The following ERF variants were observed in gnomAD, a reference collection of about 807,000 sequenced individuals.
ERF encodes ETS domain-containing transcription factor ERF.
ERF carries 10 observed loss-of-function variants against 41.6 expected under a neutral mutation model. That is an observed-to-expected ratio of 0.24 (90% CI 0.15 to 0.41). ERF has a LOEUF of 0.41. ERF is among the 10% of genes least tolerant of loss of function. The pLI is 1.00. For synonymous variants in ERF, 395 were observed against 342.4 expected (o/e 1.15, Z -1.70); for missense variants, 621 against 763.2 (o/e 0.81, Z 2.19).
In ERF at chr19:42,249,472, G is replaced by A. The variant is rs1568471853; in HGVS notation, c.640C>T (p.Leu214=). 1.9e-6 allele frequency: 3 copies of A among 1,605,558 alleles called. No homozygotes were observed. Among genetic ancestry groups the A allele is most frequent in the Non-Finnish European group, 2.5e-6 (3 of 1,176,856 alleles). ...PRARPPGPPD[L]GAFRGPPLAR... is the part of the protein sequence containing the mutation. Reference sequence around the variant, plus strand: ...AGCGGGGGCCCTCGGAAGGCACCCAGATCCGGAGGGCCGGGTGGTCGGGCG... The same window carrying A: ...AGCGGGGGCCCTCGGAAGGCACCCAAATCCGGAGGGCCGGGTGGTCGGGCG... The change falls in exon 4 of 4, where the codon CTG becomes TTG. Residue 214 remains leucine, a synonymous_variant. Transcript: ENST00000222329. This position sits in a 1 kb window ranked among gnomAD's most constrained non-coding sequence, Gnocchi z 8.6.
chr19:42,249,227 G>A lies in ERF; in HGVS notation c.885C>T (p.Ser295=), dbSNP rs758048419. The A allele has an allele frequency of 3.3e-5, 53 of 1,612,968 alleles. No individual in the cohort carries two copies. The highest frequency in any genetic ancestry group is 5.3e-5 in the African/African-American group (4 of 74,906). The part of the protein sequence containing the change: ...PMYPSGGGGP[S]GSGGGSHFSF... ...AGAAGTGGGAGCCTCCCCCTGAGCCGCTGGGCCCCCCGCCACCACTGGGGT... is the reference window on the plus strand; with the variant it reads ...AGAAGTGGGAGCCTCCCCCTGAGCCACTGGGCCCCCCGCCACCACTGGGGT... The change falls in exon 4 of 4, where the codon AGC becomes AGT. Residue 295 remains serine (S), a synonymous_variant. Transcript: ENST00000222329. This position sits in a 1 kb window ranked among gnomAD's most constrained non-coding sequence, Gnocchi z 8.6.
At chr19:42,253,991 G>C (rs1242735029) in intron 1 of ERF, 1 of 972,862 alleles carries the variant, frequency 1.0e-6, no homozygotes. Context: ...GGGGCGGCTG[G>C]GACCCCTCCC....
rs748690826 is a variant in ERF, at chr19:42,249,674, G to C, written c.438C>G (p.Pro146=). Reference sequence around the variant, plus strand: ...GGGACAGCACCTCGGAGGGCGTTGAGGGAGGGAAGCGGAAGTGGCTACCAC... The same window carrying C: ...GGGACAGCACCTCGGAGGGCGTTGACGGAGGGAAGCGGAAGTGGCTACCAC... ...PSGGSHFRFP[P]STPSEVLSPT... Residue 146 remains proline (P), a synonymous_variant, in exon 4 of 4, where the codon CCC becomes CCG. Coordinates refer to ENST00000222329, the MANE Select transcript of ERF (RefSeq NM_006494.4). The surrounding 1 kb of genome is among the most constrained non-coding windows in gnomAD (Gnocchi z 8.6). The C allele has an allele frequency of 6.2e-7, 1 of 1,602,612 alleles. No homozygotes were observed. The highest frequency in any genetic ancestry group is 1.7e-5 in the Admixed American group (1 of 59,358).
At chr19:42,253,415 C>T (rs1307747794) in intron 1 of ERF, among the ~76,000 whole-genome samples, 1 of 152,162 alleles carries the variant, frequency 6.6e-6, no homozygotes, top group Non-Finnish European at 1.5e-5. Context: ...CCTTCCCCTC[C>T]CCTCCCCCAG....
chr19:42,251,781 C>T (rs2036450139), intron 1 of ERF, among the ~76,000 whole-genome samples: 1 of 152,140 alleles, frequency 6.6e-6, no homozygotes, highest in Admixed American at 6.5e-5. Context: ...GGGATCCTTC[C>T]CCTTGGGAAT....
At chr19:42,252,972 G>C (rs1178570859) in intron 1 of ERF, among the ~76,000 whole-genome samples, 1 of 151,770 alleles carries the variant, frequency 6.6e-6, no homozygotes, top group Non-Finnish European at 1.5e-5. Context: ...AGGGGTTCAG[G>C]AGACTGCGAG....
In ERF at chr19:42,250,501, C is replaced by A; in HGVS notation, c.87G>T (p.Leu29=). ...ESSPGSRQIQ[L]WHFILELLRK... is the part of the protein sequence containing the mutation. ...GCAGCAGCTCCAGGATAAAGTGCCA[C>A]AGCTGGATCTGCCTTGAGCCAGGGG... is the stretch of plus-strand genomic sequence containing the variant. Residue 29 remains leucine, a synonymous_variant, in exon 2 of 4, where the codon CTG becomes CTT. Coordinates refer to ENST00000222329, the MANE Select transcript of ERF (RefSeq NM_006494.4). This position sits in a 1 kb window ranked among gnomAD's most constrained non-coding sequence, Gnocchi z 5.1. 1 of 1,613,720 alleles carries A rather than the reference C, an allele frequency of 6.2e-7. No homozygotes were observed. Among genetic ancestry groups the A allele is most frequent in the Non-Finnish European group, 8.5e-7 (1 of 1,180,038 alleles).
Position 42,248,875 on chromosome 19 carries a change from C to A in ERF, c.1237G>T (p.Ala413Ser). 1.2e-6 allele frequency: 2 copies of A among 1,608,072 alleles called. No homozygotes were observed. Among genetic ancestry groups the A allele is most frequent in the African/African-American group, 1.3e-5 (1 of 75,006 alleles). The change falls in exon 4 of 4, where the codon GCA becomes TCA. Residue 413 changes from alanine (A) to serine (S), a missense_variant. This residue lies in a region of ERF where 569 missense variants were observed against 625.5 expected (regional missense o/e 0.91). Coordinates refer to ENST00000222329, the MANE Select transcript of ERF (RefSeq NM_006494.4). The surrounding 1 kb of genome is among the most constrained non-coding windows in gnomAD (Gnocchi z 4.2). The stretch of plus-strand genomic sequence containing the variant: ...GGGGGCGGTGGGGCTAGCGCCCCTG[C>A]CCCCTCAGCCAGCCCGCCTGCACTG... ...GGSAGGLAEG[A>S]GALAPPPPPP...
chr19:42,254,859 G>C, intron 1 of ERF, 119 bp downstream of exon 1: 2 of 1,182,478 alleles, frequency 1.7e-6, no homozygotes, highest in African/African-American at 1.6e-5. Flanking sequence ...GTGCTTGAGG[G>C]GTCCCCCAGA....
Position 42,248,845 on chromosome 19 carries a change from G to C in ERF, c.1267C>G (p.Pro423Ala). The C allele has an allele frequency of 6.2e-7, 1 of 1,611,536 alleles. No individual in the cohort carries two copies. The highest frequency in any genetic ancestry group is 8.5e-7 in the Non-Finnish European group (1 of 1,179,370). ...GAGATGGGCTCCACCTTGATCTGTG[G>C]TGGCGGGGGCGGTGGGGCTAGCGCC... Reference protein sequence around the residue: ...AGALAPPPPPPQIKVEPISEG... With the variant: ...AGALAPPPPPAQIKVEPISEG... Residue 423 changes from proline to alanine, a missense_variant, in exon 4 of 4, where the codon CCA (proline) becomes GCA (alanine). Pro to Ala is a conservative substitution (Grantham distance 27, BLOSUM62 -1). Coordinates refer to ENST00000222329, the MANE Select transcript of ERF (RefSeq NM_006494.4). The surrounding 1 kb of genome is among the most constrained non-coding windows in gnomAD (Gnocchi z 4.2).
chr19:42,250,447 G>A lies in ERF; in HGVS notation c.141C>T (p.Ala47=). 1 of 1,613,610 alleles carries A rather than the reference G, an allele frequency of 6.2e-7. No homozygotes were observed. The highest frequency in any genetic ancestry group is 8.5e-7 in the Non-Finnish European group (1 of 1,180,036). The part of the protein sequence containing the change: ...LRKEEYQGVI[A]WQGDYGEFVI... Reference sequence around the variant, plus strand: ...CGAATTCCCCGTAGTCCCCCTGCCAGGCAATGACGCCCTGGTACTCCTCCT... The same window carrying A: ...CGAATTCCCCGTAGTCCCCCTGCCAAGCAATGACGCCCTGGTACTCCTCCT... The change falls in exon 2 of 4, where the codon GCC becomes GCT. Residue 47 remains alanine (A), a synonymous_variant. Coordinates refer to ENST00000222329, the MANE Select transcript of ERF (RefSeq NM_006494.4). The surrounding 1 kb of genome is among the most constrained non-coding windows in gnomAD (Gnocchi z 5.1).
At chr19:42,254,870 A>T in intron 1 of ERF, 108 bp downstream of exon 1, 1 of 1,278,846 alleles carries the variant, frequency 7.8e-7, no homozygotes, top group Admixed American at 3.5e-5. Context: ...GTCCCCCAGA[A>T]CTGGGGATCA....
rs768310421 is a variant in ERF, at chr19:42,249,852, G to A, written c.348C>T (p.Tyr116=). Residue 116 remains tyrosine (Y), a synonymous_variant, in exon 3 of 4, where the codon TAC becomes TAT. Coordinates refer to ENST00000222329, the MANE Select transcript of ERF (RefSeq NM_006494.4). This position sits in a 1 kb window ranked among gnomAD's most constrained non-coding sequence, Gnocchi z 8.6. ...FNFNKLVLVN[Y]PFIDVGLAGG... ...CAGCCAACCCCACATCAATGAATGGGTAATTGACCAGCACCAGTTTGTTGA... is the reference window on the plus strand; with the variant it reads ...CAGCCAACCCCACATCAATGAATGGATAATTGACCAGCACCAGTTTGTTGA... 21 of 1,614,052 alleles carry A rather than the reference G, an allele frequency of 1.3e-5. No individual in the cohort carries two copies. The highest frequency in any genetic ancestry group is 1.7e-5 in the Admixed American group (1 of 60,002).
Position 42,249,542 on chromosome 19 carries a change from A to G in ERF, c.570T>C (p.Ser190=), listed in dbSNP as rs147661969. 2 of 1,613,334 alleles carry G rather than the reference A, an allele frequency of 1.2e-6. No homozygotes were observed. The highest frequency in any genetic ancestry group is 2.7e-5 in the African/African-American group (2 of 74,898). Residue 190 remains serine (S), a synonymous_variant, in exon 4 of 4, where the codon AGT becomes AGC. Coordinates refer to ENST00000222329, the MANE Select transcript of ERF (RefSeq NM_006494.4). This position sits in a 1 kb window ranked among gnomAD's most constrained non-coding sequence, Gnocchi z 8.6. ...GTTCCTCCAGCTCTGACGTGCCATCACTACAGTCACTGACTGAGCCTCGGC... is the reference window on the plus strand; with the variant it reads ...GTTCCTCCAGCTCTGACGTGCCATCGCTACAGTCACTGACTGAGCCTCGGC... ...RLGRGSVSDC[S]DGTSELEEPL...
At chr19:42,254,580 G>A in intron 1 of ERF, 1 of 176,968 alleles carries the variant, frequency 5.7e-6, no homozygotes, top group Non-Finnish European at 1.2e-5. Flanking sequence ...CAGCAGGACC[G>A]CGCAGCGCAG....
In ERF at chr19:42,254,094, C is replaced by CCCGCTGCCCCCCG. The variant is rs1366021432; in HGVS notation, c.22+871_22+883dup. Among the ~76,000 whole-genome samples the CCCGCTGCCCCCCG allele has an allele frequency of 2.0e-5, 3 of 149,370 alleles. No individual in the cohort carries two copies. The East Asian group carries it at 6.2e-4, about 31-fold the overall frequency. Reference sequence around the variant, plus strand: ...AGTCCGAGTGGGAGGGGGAGTTAATCCCGCTGCCCCCCGCCCGCCGACCGA... The same window carrying CCCGCTGCCCCCCG: ...AGTCCGAGTGGGAGGGGGAGTTAATCCCGCTGCCCCCCGCCGCTGCCCCCCGCCCGCCGACCGA... On this transcript the variant is annotated intron_variant, in intron 1 of 3. Coordinates refer to ENST00000222329, the MANE Select transcript of ERF (RefSeq NM_006494.4).
At position 42,255,051 on chromosome 19, in the gene ERF, C is replaced by T; in HGVS notation, c.-52G>A. On this transcript the variant is annotated 5_prime_UTR_variant, in exon 1 of 4. Coordinates refer to ENST00000222329, the MANE Select transcript of ERF (RefSeq NM_006494.4). ...CGATTCCGGGCCGCGGCTCCCGGCG[C>T]CCTCGCTGCCCCGTCCCGTCCCGCG... 1 of 1,325,236 alleles carries T rather than the reference C, an allele frequency of 7.5e-7. No homozygotes were observed. The highest frequency in any genetic ancestry group is 9.6e-7 in the Non-Finnish European group (1 of 1,037,412). The allele number at this position is 1,325,236 out of a possible 1,614,324, so 82.1% of individuals were successfully genotyped here. A position where few individuals can be genotyped will look rare whatever the true frequency, so the allele number is the denominator to read the frequency against.
Position 42,250,720 on chromosome 19 carries a change from G to A in ERF, c.23-155C>T, listed in dbSNP as rs746466045. 6.6e-6 allele frequency among the ~76,000 whole-genome samples: 1 copy of A among 152,192 alleles called. No individual in the cohort carries two copies. ...TCTGATTTAAGAGAAGACAGTGCGT[G>A]TCTGTCTGTCTGCATGTGAGGGGCT... On this transcript the variant is annotated intron_variant, in intron 1 of 3. Coordinates refer to ENST00000222329, the MANE Select transcript of ERF (RefSeq NM_006494.4). This position sits in a 1 kb window ranked among gnomAD's most constrained non-coding sequence, Gnocchi z 5.1.
Position 42,249,947 on chromosome 19 carries a change from G to A in ERF, c.258-5C>T. ...ATGCGCTTGTTATAGTAATAGCTGT[G>A]GGTACAGAAATGCCATTGGGAAGGT... On this transcript the variant is annotated splice_region_variant and splice_polypyrimidine_tract_variant and intron_variant, in intron 2 of 3. Transcript: ENST00000222329. The surrounding 1 kb of genome is among the most constrained non-coding windows in gnomAD (Gnocchi z 8.6). The A allele has an allele frequency of 6.2e-7, 1 of 1,613,550 alleles. No individual in the cohort carries two copies. Among genetic ancestry groups the A allele is most frequent in the African/African-American group, 1.3e-5 (1 of 74,996 alleles).
Sources: allele counts gnomAD v4.1 joint callset (sites outside exome capture counted in the v4.1 genomes callset), GRCh38; gene constraint gnomAD v4.1.1; regional missense constraint gnomAD v4.1.1; non-coding constraint Gnocchi (gnomAD v3.1); transcripts MANE v1.5; gene names NCBI Gene and HGNC (gene_info 2026-07-23, HGNC 2026-07-21).